SLC48A1: variants seen among roughly 807,000 people sequenced by gnomAD.
The protein encoded by SLC48A1 is solute carrier family 48 member 1.
Under a neutral mutation model 14.8 loss-of-function variants are expected in SLC48A1, and 6 were observed. The ratio of observed to expected loss-of-function variants is 0.41; its 90% CI spans 0.22 to 0.80. The LOEUF is 0.80. Ranked by LOEUF, SLC48A1 falls within the 30% of genes least tolerant of loss-of-function variation. The probability of loss-of-function intolerance (pLI) is 0.34; values close to 1 mark genes in which losing one functional copy is unlikely to be tolerated. For synonymous variants in SLC48A1, 89 were observed against 90.0 expected, an observed-to-expected ratio of 0.99 and a Z score of 0.06; for missense variants, 165 against 204.8, an observed-to-expected ratio of 0.81 and a Z score of 1.19.
At chr12:47,760,311 C>A in exon 2 of SLC48A1, 2 of 985,432 alleles carry the variant, frequency 2.0e-6, no homozygotes, top group Non-Finnish European at 2.4e-6. Flanking sequence ...TGACCTCAGA[C>A]CCAAATCCAT....
Position 47,779,185 on chromosome 12 carries a change from C to A in SLC48A1, c.294C>A (p.Thr98=), listed in dbSNP as rs566928382. The A allele has an allele frequency of 1.0e-5, 16 of 1,551,326 alleles. No homozygotes were observed. The Admixed American group carries it at 3.1e-4, about 30-fold the overall frequency. ...AFCTFLVLAI[T]RHQSLTDPTS... ...GCACCTTCCTCGTGCTGGCCATCAC[C>A]CGGCATCAGAGTGAGGGCGGGTCCC... The change falls in exon 2 of 3, where the codon ACC becomes ACA. Residue 98 remains threonine, a synonymous_variant. Transcript: ENST00000442218.
chr12:47,773,504 C>CT (rs1233800070), intron 1 of SLC48A1, 64 bp downstream of exon 1: 3 of 1,251,584 alleles, frequency 2.4e-6, no homozygotes, highest in Non-Finnish European at 3.0e-6. Context: ...CCGTCAGCTG[C>CT]TCCAGGACGC....
At chr12:47,772,290 C>G (rs1942643518), upstream of SLC48A1, 1 of 154,904 alleles carries the variant, frequency 6.5e-6, no homozygotes, top group East Asian at 1.9e-4. Context: ...TCAGTGCCCT[C>G]CTGCTACAGA....
In SLC48A1 at chr12:47,780,332, A is replaced by G; in HGVS notation, c.*51A>G. 2.5e-6 allele frequency: 4 copies of G among 1,613,720 alleles called. No individual in the cohort carries two copies. The highest frequency in any genetic ancestry group is 3.4e-6 in the Non-Finnish European group (4 of 1,179,696). Reference sequence around the variant, plus strand: ...TGGGGGGGCCTTAGGACCTGGACTCAGCCTCTGAGATGTTGGGAGAGGCTA... The same window carrying G: ...TGGGGGGGCCTTAGGACCTGGACTCGGCCTCTGAGATGTTGGGAGAGGCTA... On this transcript the variant is annotated 3_prime_UTR_variant, in exon 3 of 3. Transcript: ENST00000442218.
At chr12:47,757,964 G>T, upstream of SLC48A1, 2 of 1,562,624 alleles carry the variant, frequency 1.3e-6, no homozygotes, top group Non-Finnish European at 1.7e-6. Context: ...ACCATGTTGA[G>T]TAGTGTCCCC....
upstream of SLC48A1, chr12:47,757,957 A>G (rs1165812024): frequency 1.9e-6 from 3 of 1,560,888 alleles, no homozygotes; most frequent in Non-Finnish European, 2.6e-6. Context: ...TCTCAACACC[A>G]TGTTGAGTAG....
chr12:47,779,011 A>ATGTGT lies in SLC48A1; in HGVS notation c.137-16_137-12dup. 6.4e-7 allele frequency: 1 copy of ATGTGT among 1,550,516 alleles called. No individual in the cohort carries two copies. The highest frequency in any genetic ancestry group is 8.7e-7 in the Non-Finnish European group (1 of 1,146,278). On this transcript the variant is annotated splice_polypyrimidine_tract_variant and intron_variant, in intron 1 of 2. Coordinates refer to ENST00000442218, the MANE Select transcript of SLC48A1 (RefSeq NM_017842.3). Reference sequence around the variant, plus strand: ...TGGAGCACCCTGGGGATGGGCCCTGATGTGTCTCTCCTGCAGGGGTGCTGG... The same window carrying ATGTGT: ...TGGAGCACCCTGGGGATGGGCCCTGATGTGTTGTGTCTCTCCTGCAGGGGTGCTGG...
At chr12:47,774,836 C>A (rs1238307372) in intron 1 of SLC48A1, among the ~76,000 whole-genome samples, 3 of 152,156 alleles carry the variant, frequency 2.0e-5, no homozygotes, top group Non-Finnish European at 4.4e-5. Flanking sequence ...ATCTACAGAG[C>A]CCTAGTTCCT....
At chr12:47,774,294 T>TA (rs1942693441) in intron 1 of SLC48A1, among the ~76,000 whole-genome samples, 1 of 152,198 alleles carries the variant, frequency 6.6e-6, no homozygotes. Context: ...TCTAACATTT[T>TA]AAAAAATGCT....
At chr12:47,776,645 G>A (rs1388163959) in intron 1 of SLC48A1, among the ~76,000 whole-genome samples, 3 of 152,160 alleles carry the variant, frequency 2.0e-5, no homozygotes, top group South Asian at 2.1e-4. Context: ...CAAGGTTGAG[G>A]GAAGGTGAGA....
At chr12:47,764,586 A>G (rs1471332117) in intron 2 of SLC48A1, among the ~76,000 whole-genome samples, 1 of 152,148 alleles carries the variant, frequency 6.6e-6, no homozygotes, top group Non-Finnish European at 1.5e-5. Flanking sequence ...CTGGATCCAG[A>G]GCACTGGCTG....
exon 1 of SLC48A1, chr12:47,758,588 C>T: frequency 6.2e-7 from 1 of 1,613,698 alleles, no homozygotes; most frequent in Non-Finnish European, 8.5e-7. Context: ...GCCGTGCAGG[C>T]TCTAGCAAAA....
rs187716363 is a variant in SLC48A1 at position 47,760,175 on chromosome 12, G to A, written c.-372-41G>A. 13 of 982,168 alleles carry A rather than the reference G, an allele frequency of 1.3e-5. No individual in the cohort carries two copies. The East Asian group carries it at 1.5e-3, about 112-fold the overall frequency. 60.8% of individuals were successfully genotyped at this position (982,168 alleles called of 1,614,324 possible). ...CCAGCAATTCATATTCAATCCTATT[G>A]GCATGAAATGGAAAATCTGTATTTG... On this transcript the variant is annotated intron_variant, in intron 1 of 4. Transcript: ENST00000547002.
chr12:47,777,841 CCG>C lies in SLC48A1; in HGVS notation c.137-1185_137-1184del, dbSNP rs1206889460. ...GATTCAAAGCACTTCCCCACCCCCA[CCG>C]CCCCATCAACTTCCCTTCCTTGTCT... On this transcript the variant is annotated intron_variant, in intron 1 of 2. Coordinates refer to ENST00000442218, the MANE Select transcript of SLC48A1 (RefSeq NM_017842.3). The surrounding 1 kb of genome is among the most constrained non-coding windows in gnomAD (Gnocchi z 4.5). 6.6e-6 allele frequency among the ~76,000 whole-genome samples: 1 copy of C among 152,184 alleles called. No homozygotes were observed. Among genetic ancestry groups the C allele is most frequent in the African/African-American group, 2.4e-5 (1 of 41,426 alleles).
chr12:47,770,511 G>T (rs186032785), upstream of SLC48A1, among the ~76,000 whole-genome samples: 279 of 152,278 alleles, frequency 1.8e-3, no homozygotes, highest in Non-Finnish European at 1.9e-3. Flanking sequence ...CATTTATTGA[G>T]TATCTACCAT....
chr12:47,779,068 C>T lies in SLC48A1; in HGVS notation c.177C>T (p.Tyr59=), dbSNP rs1431085631. 3 of 1,551,700 alleles carry T rather than the reference C, an allele frequency of 1.9e-6. No individual in the cohort carries two copies. Among genetic ancestry groups the T allele is most frequent in the Admixed American group, 2.0e-5 (1 of 50,978 alleles). The part of the protein sequence containing the change: ...ALWVLVTHVM[Y]MQDYWRTWLK... ...GGGTCCTGGTGACGCACGTGATGTA[C>T]ATGCAAGATTATTGGAGGACCTGGC... The change falls in exon 2 of 3, where the codon TAC becomes TAT. Residue 59 remains tyrosine (Y), a synonymous_variant. Transcript: ENST00000442218.
At chr12:47,772,751 G>A (rs1044702761), upstream of SLC48A1, among the ~76,000 whole-genome samples, 26 of 152,250 alleles carry the variant, frequency 1.7e-4, no homozygotes, top group Admixed American at 1.7e-3. Context: ...GTCAGAAGGT[G>A]ATGGTCGCAG....
upstream of SLC48A1, among the ~76,000 whole-genome samples, chr12:47,756,663 G>C (rs1171865003): frequency 6.6e-6 from 1 of 152,136 alleles, no homozygotes; most frequent in East Asian, 1.9e-4. Flanking sequence ...CACTCAAAAG[G>C]ACTTGCCAAT....
In SLC48A1 at chr12:47,779,105, CGCGGCTT is replaced by C; in HGVS notation, c.215_221del (p.Arg72ProfsTer295). 6.4e-7 allele frequency: 1 copy of C among 1,551,840 alleles called. No individual in the cohort carries two copies. Among genetic ancestry groups the C allele is most frequent in the Non-Finnish European group, 8.7e-7 (1 of 1,147,040 alleles). ...TTGGAGGACCTGGCTCAAGGGGCTG[CGCGGCTT>C]CTTCTTCGTGGGCGTCCTCTTCTCG... On this transcript the variant is annotated frameshift_variant, in exon 2 of 3. Coordinates refer to ENST00000442218, the MANE Select transcript of SLC48A1 (RefSeq NM_017842.3). LOFTEE classifies it high-confidence loss of function.
Sources: allele counts gnomAD v4.1 joint callset (sites outside exome capture counted in the v4.1 genomes callset), GRCh38; gene constraint gnomAD v4.1.1; non-coding constraint Gnocchi (gnomAD v3.1); transcripts MANE v1.5; gene names NCBI Gene and HGNC (gene_info 2026-07-23, HGNC 2026-07-21).